The following SOX6 variants were observed in gnomAD, a reference collection of about 807,000 sequenced individuals.
The protein encoded by SOX6 is SRY-box transcription factor 6.
SOX6 carries 11 observed loss-of-function variants against 97.8 expected under a neutral mutation model. That is an observed-to-expected ratio of 0.11 (90% CI 0.07 to 0.19). SOX6 has a LOEUF of 0.19. Among genes scored for constraint, SOX6 ranks in the 10% least tolerant of loss-of-function variants. SOX6 has a pLI of 1.00. For missense variants in SOX6, 810 were observed against 1,039.5 expected (o/e 0.78, Z 3.04); for synonymous variants, 360 against 371.4 (o/e 0.97, Z 0.35).
At chr11:16,600,845 C>T (rs1273273435) in intron 4 of SOX6, among the ~76,000 whole-genome samples, 1 of 152,088 alleles carries the variant, frequency 6.6e-6, no homozygotes. Flanking sequence ...AATGAGTTTT[C>T]GGATCACATT....
chr11:16,421,558 G>T (rs1859022262), intron 1 of SOX6, among the ~76,000 whole-genome samples: 4 of 152,000 alleles, frequency 2.6e-5, no homozygotes, highest in Admixed American at 2.6e-4. Flanking sequence ...CCTTTATAAT[G>T]CCCATTATCT....
At chr11:16,409,504 T>G (rs1490276138) in intron 1 of SOX6, among the ~76,000 whole-genome samples, 1 of 152,166 alleles carries the variant, frequency 6.6e-6, no homozygotes, top group Non-Finnish European at 1.5e-5. Flanking sequence ...ATATCTATCC[T>G]TGATTCCAAA....
At chr11:16,673,949 G>C (rs942732596) in intron 3 of SOX6, among the ~76,000 whole-genome samples, 22 of 152,180 alleles carry the variant, frequency 1.4e-4, no homozygotes, top group Admixed American at 1.4e-3. Flanking sequence ...CAGCACTTTG[G>C]GAGGCCGAGG....
intron 1 of SOX6, among the ~76,000 whole-genome samples, chr11:16,370,628 A>G (rs556189313): frequency 2.6e-5 from 4 of 152,134 alleles, no homozygotes; most frequent in South Asian, 4.2e-4. Flanking sequence ...GAGGTCTAAC[A>G]TGCATCTCAA....
intron 12 of SOX6, among the ~76,000 whole-genome samples, chr11:16,024,989 G>A (rs1392631654): frequency 6.6e-6 from 1 of 152,102 alleles, no homozygotes; most frequent in Non-Finnish European, 1.5e-5. Context: ...GATGATAAAT[G>A]ATACAGTAGC....
chr11:16,037,935 G>T (rs1855559992), intron 12 of SOX6, among the ~76,000 whole-genome samples: 1 of 152,032 alleles, frequency 6.6e-6, no homozygotes, highest in Admixed American at 6.6e-5. Context: ...TTCTGAATGA[G>T]GCCACTTATG....
intron 3 of SOX6, among the ~76,000 whole-genome samples, chr11:16,246,555 G>A (rs1343210870): frequency 1.3e-5 from 2 of 151,784 alleles, no homozygotes; most frequent in Admixed American, 6.6e-5. Context: ...CTCAAAGTAT[G>A]TCATTGTGAT....
chr11:16,640,336 A>G (rs1234052358), intron 3 of SOX6, among the ~76,000 whole-genome samples: 2 of 152,318 alleles, frequency 1.3e-5, no homozygotes, highest in South Asian at 2.1e-4. Flanking sequence ...GGATTTTTGC[A>G]TCGATGTTCA....
At chr11:16,182,608 C>T (rs1021599311) in intron 6 of SOX6, among the ~76,000 whole-genome samples, 1 of 151,898 alleles carries the variant, frequency 6.6e-6, no homozygotes, top group African/African-American at 2.4e-5. Context: ...AAATGCCAGA[C>T]ATTACAACTC....
At chr11:16,133,775 G>C (rs1311409342) in intron 6 of SOX6, among the ~76,000 whole-genome samples, 1 of 152,108 alleles carries the variant, frequency 6.6e-6, no homozygotes, top group Non-Finnish European at 1.5e-5. Context: ...TGCAACCTCT[G>C]CCTCCCAGGT....
At chr11:16,278,088 T>A (rs1173579419) in intron 3 of SOX6, among the ~76,000 whole-genome samples, 1 of 152,160 alleles carries the variant, frequency 6.6e-6, no homozygotes, top group Non-Finnish European at 1.5e-5. Flanking sequence ...TCCAGGCAAA[T>A]TTTACCTAAA....
chr11:15,974,033 G>A (rs969987209), intron 15 of SOX6, among the ~76,000 whole-genome samples: 1 of 152,170 alleles, frequency 6.6e-6, no homozygotes, highest in African/African-American at 2.4e-5. Flanking sequence ...AGACTATGGC[G>A]AAAATATTAT....
At chr11:16,685,810 T>C (rs1564868940) in intron 3 of SOX6, among the ~76,000 whole-genome samples, 1 of 152,272 alleles carries the variant, frequency 6.6e-6, no homozygotes, top group African/African-American at 2.4e-5. Context: ...CTCTGTACTG[T>C]TGTACCCTGC....
chr11:16,012,950 T>C (rs1043771091), intron 13 of SOX6, among the ~76,000 whole-genome samples: 8 of 152,054 alleles, frequency 5.3e-5, no homozygotes, highest in African/African-American at 1.9e-4. Flanking sequence ...AATCTAGGCA[T>C]TGAATAGAAT....
intron 3 of SOX6, among the ~76,000 whole-genome samples, chr11:16,285,609 T>C (rs1854712202): frequency 6.6e-6 from 1 of 152,124 alleles, no homozygotes. Context: ...TTTTTCAACA[T>C]GCCAGTGACT....
intron 9 of SOX6, among the ~76,000 whole-genome samples, chr11:16,076,158 C>T (rs961749655): frequency 3.3e-5 from 5 of 151,980 alleles, no homozygotes; most frequent in African/African-American, 1.2e-4. Flanking sequence ...TATAAAAATC[C>T]TGGAAGATAA....
chr11:16,326,806 T>C (rs1477864397), intron 2 of SOX6, among the ~76,000 whole-genome samples: 1 of 152,198 alleles, frequency 6.6e-6, no homozygotes, highest in Non-Finnish European at 1.5e-5. Flanking sequence ...GGCTGGGTGG[T>C]TCTGTCTAAA....
intron 4 of SOX6, among the ~76,000 whole-genome samples, chr11:16,187,488 G>C (rs1414134192): frequency 6.6e-6 from 1 of 152,026 alleles, no homozygotes; most frequent in Non-Finnish European, 1.5e-5. Context: ...TGGCCATAGA[G>C]AGAATACTAC....
chr11:16,229,401 A>G (rs905921199), intron 4 of SOX6, among the ~76,000 whole-genome samples: 8 of 152,054 alleles, frequency 5.3e-5, no homozygotes, highest in African/African-American at 1.9e-4. Flanking sequence ...AGGCATAAGA[A>G]TAACAGGAAA....
Sources: gnomAD v4.1 joint callset for allele counts (sites outside exome capture counted in the v4.1 genomes callset) on GRCh38, gnomAD v4.1.1 for gene constraint, MANE v1.5 for transcripts, NCBI Gene and HGNC (gene_info 2026-07-23, HGNC 2026-07-21) for gene names.